Variants in PCDHGA6 observed in about 807,000 individuals in gnomAD.
The protein encoded by PCDHGA6 is protocadherin gamma-A6.
In PCDHGA6, 41 loss-of-function variants were observed where a neutral mutation model predicts 60.6. The ratio of observed to expected loss-of-function variants is 0.68; its 90% confidence interval spans 0.53 to 0.88. The LOEUF (loss-of-function observed/expected upper bound fraction) is 0.88. PCDHGA6 is among the 40% of genes least tolerant of loss of function. The probability of loss-of-function intolerance (pLI) is 0.00; values close to 1 mark genes in which losing one functional copy is unlikely to be tolerated. For synonymous variants in PCDHGA6, 594 were observed against 524.4 expected, an observed-to-expected ratio of 1.13 and a Z score of -1.81; for missense variants, 1,312 against 1,203.0, an observed-to-expected ratio of 1.09 and a Z score of -1.34.
intron 1 of PCDHGA6, chr5:141,405,487 T>G (rs750718741): frequency 4.3e-6 from 4 of 924,990 alleles, no homozygotes; most frequent in Non-Finnish European, 6.4e-6. Context: ...TGGTGTGATC[T>G]CGGCTCATTG....
At position 141,374,777 on chromosome 5, in the gene PCDHGA6, G is replaced by A. The variant is rs755463569; in HGVS notation, c.694G>A (p.Val232Ile). The stretch of plus-strand genomic sequence containing the variant: ...AAGCGTCGCCCAAATTCTGGTAACA[G>A]TTCTAGATGTGAATGACAACACTCC... ...RSSVAQILVT[V>I]LDVNDNTPMF... The change falls in exon 1 of 4, where the codon GTT becomes ATT. Residue 232 changes from valine to isoleucine, a missense_variant. Transcript: ENST00000517434. 1 of 1,613,852 alleles carries A rather than the reference G, an allele frequency of 6.2e-7. No homozygotes were observed. Among genetic ancestry groups the A allele is most frequent in the South Asian group, 1.1e-5 (1 of 91,046 alleles).
chr5:141,455,494 T>C (rs1223531150), intron 1 of PCDHGA6, among the ~76,000 whole-genome samples: 2 of 152,214 alleles, frequency 1.3e-5, no homozygotes, highest in African/African-American at 4.8e-5. Context: ...AGGTGATGTC[T>C]GATTTGCATA....
chr5:141,502,475 A>G (rs1246548191), intron 2 of PCDHGA6, among the ~76,000 whole-genome samples: 1 of 150,884 alleles, frequency 6.6e-6, no homozygotes, highest in Non-Finnish European at 1.5e-5. Context: ...TTCCCGCAGC[A>G]TCACACTGGG....
chr5:141,380,816 A>T (rs546532723), intron 1 of PCDHGA6, among the ~76,000 whole-genome samples: 1 of 152,256 alleles, frequency 6.6e-6, no homozygotes, highest in Non-Finnish European at 1.5e-5. Flanking sequence ...AGATGAAACT[A>T]TGAATTTTGA....
intron 1 of PCDHGA6, chr5:141,417,718 G>A: frequency 7.7e-7 from 1 of 1,304,720 alleles, no homozygotes; most frequent in Non-Finnish European, 1.0e-6. Flanking sequence ...GCTCCCGGCT[G>A]CGCAGACCTT....
chr5:141,483,213 C>T (rs1343903817), intron 1 of PCDHGA6, among the ~76,000 whole-genome samples: 1 of 152,142 alleles, frequency 6.6e-6, no homozygotes, highest in Non-Finnish European at 1.5e-5. Flanking sequence ...ATATAGATGA[C>T]AGTCACTGCA....
intron 1 of PCDHGA6, among the ~76,000 whole-genome samples, chr5:141,459,742 T>C (rs2098974738): frequency 6.6e-6 from 1 of 152,248 alleles, no homozygotes; most frequent in Non-Finnish European, 1.5e-5. Context: ...TTTTAAATTT[T>C]AGCAATTCTA....
rs2099606006 is a variant in PCDHGA6, at chr5:141,485,058, G to A, written c.2425-9749G>A. Reference sequence around the variant, plus strand: ...TAACCCTTGCGGCGCCGGCCGAACCGCGCCAGAGCTGGCGCGGGGAAAGGG... The same window carrying A: ...TAACCCTTGCGGCGCCGGCCGAACCACGCCAGAGCTGGCGCGGGGAAAGGG... On this transcript the variant is annotated intron_variant, in intron 1 of 3. Coordinates refer to ENST00000517434, the MANE Select transcript of PCDHGA6 (RefSeq NM_018919.3). The surrounding 1 kb of genome is among the most constrained non-coding windows in gnomAD (Gnocchi z 5.7). 1 of 848,828 alleles carries A rather than the reference G, an allele frequency of 1.2e-6. No individual in the cohort carries two copies. The highest frequency in any genetic ancestry group is 1.9e-6 in the Non-Finnish European group (1 of 529,084). The allele number at this position is 848,828 out of a possible 1,614,324, so 52.6% of individuals were successfully genotyped here.
chr5:141,485,185 G>C lies in PCDHGA6; in HGVS notation c.2425-9622G>C. On this transcript the variant is annotated intron_variant, in intron 1 of 3. Transcript: ENST00000517434. This position sits in a 1 kb window ranked among gnomAD's most constrained non-coding sequence, Gnocchi z 5.7. ...AGCGGGCGGCAGCAATGCTCCGCAA[G>C]GTGAGAAGCTGGACAGAAATCTGGC... 6.2e-7 allele frequency: 1 copy of C among 1,613,528 alleles called. No homozygotes were observed. Among genetic ancestry groups the C allele is most frequent in the Non-Finnish European group, 8.5e-7 (1 of 1,179,492 alleles).
chr5:141,434,010 T>C (rs772136259), intron 1 of PCDHGA6, among the ~76,000 whole-genome samples: 26 of 152,224 alleles, frequency 1.7e-4, no homozygotes, highest in Non-Finnish European at 3.1e-4. Flanking sequence ...TATATGTTTG[T>C]TTCTATGATT....
At chr5:141,421,305 G>A in intron 1 of PCDHGA6, 23 of 1,613,652 alleles carry the variant, frequency 1.4e-5, no homozygotes, top group Non-Finnish European at 1.9e-5. Context: ...CGCTGCGGGG[G>A]TTCCGGGCCA....
At chr5:141,393,504 A>G (rs369406530) in intron 1 of PCDHGA6, 1 of 1,614,036 alleles carries the variant, frequency 6.2e-7, no homozygotes, top group African/African-American at 1.3e-5. Flanking sequence ...CATCCACGTG[A>G]CAGTGTTGGA....
intron 1 of PCDHGA6, among the ~76,000 whole-genome samples, chr5:141,445,264 G>A (rs566395616): frequency 1.4e-4 from 22 of 152,276 alleles, no homozygotes; most frequent in Admixed American, 1.4e-3. Flanking sequence ...AATATAAGTC[G>A]AAACCACTCT....
At chr5:141,388,569 C>T (rs368780854) in intron 1 of PCDHGA6, 7 of 1,613,862 alleles carry the variant, frequency 4.3e-6, no homozygotes, top group African/African-American at 1.3e-5. Context: ...TGCACAGATA[C>T]ACGTTCTAGT....
At chr5:141,390,377 T>G in intron 1 of PCDHGA6, 9 of 1,463,992 alleles carry the variant, frequency 6.1e-6, no homozygotes, top group Non-Finnish European at 8.4e-6. Flanking sequence ...TATATAATTT[T>G]TAGATGTCAT....
intron 1 of PCDHGA6, chr5:141,394,313 C>G: frequency 6.2e-7 from 1 of 1,614,022 alleles, no homozygotes; most frequent in Non-Finnish European, 8.5e-7. Flanking sequence ...AGGGGGCGCC[C>G]CTGTCCTCGT....
rs778052844 is a variant in PCDHGA6, at chr5:141,486,259, T to C, written c.2425-8548T>C. ...CAGAGCTTGGAACCCTCCCCGAGAG[T>C]GCAGAACCTGGCACTGTGGTGGCAC... is the stretch of plus-strand genomic sequence containing the variant. On this transcript the variant is annotated intron_variant, in intron 1 of 3. Coordinates refer to ENST00000517434, the MANE Select transcript of PCDHGA6 (RefSeq NM_018919.3). This position sits in a 1 kb window ranked among gnomAD's most constrained non-coding sequence, Gnocchi z 5.0. 1 of 1,613,204 alleles carries C rather than the reference T, an allele frequency of 6.2e-7. No individual in the cohort carries two copies. The highest frequency in any genetic ancestry group is 8.5e-7 in the Non-Finnish European group (1 of 1,179,716).
chr5:141,469,918 G>T (rs2099215604), intron 1 of PCDHGA6, among the ~76,000 whole-genome samples: 2 of 152,148 alleles, frequency 1.3e-5, no homozygotes, highest in African/African-American at 4.8e-5. Context: ...ACCACCCGAG[G>T]TCAGGAGTTT....
chr5:141,453,791 A>G (rs979646024), intron 1 of PCDHGA6, among the ~76,000 whole-genome samples: 2 of 152,268 alleles, frequency 1.3e-5, no homozygotes, highest in African/African-American at 2.4e-5. Context: ...ATGGTATATT[A>G]ACTTTGAGTA....
Sources: allele counts gnomAD v4.1 joint callset (sites outside exome capture counted in the v4.1 genomes callset), GRCh38; gene constraint gnomAD v4.1.1; non-coding constraint Gnocchi (gnomAD v3.1); transcripts MANE v1.5; gene names NCBI Gene and HGNC (gene_info 2026-07-23, HGNC 2026-07-21).